SCRG1: variants seen among roughly 807,000 people sequenced by gnomAD.
The protein encoded by SCRG1 is scrapie-responsive protein 1.
A neutral mutation model predicts 7.7 loss-of-function variants in SCRG1; 3 were observed. That is an observed-to-expected ratio of 0.39 (90% CI 0.18 to 1.01). SCRG1 has a LOEUF of 1.01. Among genes scored for constraint, SCRG1 ranks in the 50% least tolerant of loss-of-function variants. The pLI is 0.36. For synonymous variants in SCRG1, 46 were observed against 41.2 expected, an observed-to-expected ratio of 1.12 and a Z score of -0.44; for missense variants, 110 against 117.2, an observed-to-expected ratio of 0.94 and a Z score of 0.28.
chr4:173,484,405 TATACATATAATATATA>T, the SCRG1 span, among the ~76,000 whole-genome samples: 2 of 75,974 alleles, frequency 2.6e-5, no homozygotes, highest in African/African-American at 5.5e-5. Flanking sequence ...TTATATATTA[TATACATATAATATATA>T]TTATATATTA....
chr4:173,514,860 A>G, the SCRG1 span, among the ~76,000 whole-genome samples: 1 of 152,230 alleles, frequency 6.6e-6, no homozygotes, highest in Non-Finnish European at 1.5e-5. Context: ...TTGCAAAATA[A>G]GAGACTTAAC....
the SCRG1 span, among the ~76,000 whole-genome samples, chr4:173,481,529 A>AT: frequency 6.6e-6 from 1 of 152,036 alleles, no homozygotes; most frequent in Non-Finnish European, 1.5e-5. Context: ...TTATATGTGG[A>AT]TTTTTTTCAG....
At chr4:173,441,914 G>A in the SCRG1 span, among the ~76,000 whole-genome samples, 1 of 152,126 alleles carries the variant, frequency 6.6e-6, no homozygotes, top group Non-Finnish European at 1.5e-5. Context: ...TCTAATAAGG[G>A]AAAGCAAAAC....
the SCRG1 span, among the ~76,000 whole-genome samples, chr4:173,495,122 A>T: frequency 6.6e-6 from 1 of 152,200 alleles, no homozygotes. Flanking sequence ...TCAAAGGAAA[A>T]ACTGGCAGGA....
At chr4:173,399,476 G>GTC (rs1205755553), upstream of SCRG1, 1 of 67,338 alleles carries the variant, frequency 1.5e-5, no homozygotes, top group Non-Finnish European at 3.6e-5. Flanking sequence ...GTGTGTGTGT[G>GTC]TGTGTGTGTG....
the SCRG1 span, among the ~76,000 whole-genome samples, chr4:173,483,172 CATATAATAT>C: frequency 8.4e-6 from 1 of 118,842 alleles, no homozygotes; most frequent in Non-Finnish European, 1.7e-5. Flanking sequence ...TAACATATAA[CATATAATAT>C]ATTATATATG....
chr4:173,500,362 C>A, the SCRG1 span, among the ~76,000 whole-genome samples: 4 of 152,238 alleles, frequency 2.6e-5, no homozygotes, highest in African/African-American at 9.6e-5. Flanking sequence ...GGTTCGCGCC[C>A]ACCCCTGTTC....
chr4:173,430,370 A>G, the SCRG1 span, among the ~76,000 whole-genome samples: 1 of 152,152 alleles, frequency 6.6e-6, no homozygotes, highest in African/African-American at 2.4e-5. Flanking sequence ...GTTGATAACA[A>G]TACTGGTGCC....
intron 2 of SCRG1, chr4:173,389,956 A>G (rs1177661465): frequency 3.9e-6 from 1 of 255,936 alleles, no homozygotes; most frequent in African/African-American, 2.2e-5. Flanking sequence ...GGGATTTGAA[A>G]GATTCCTCAA....
chr4:173,412,862 G>T, the SCRG1 span, among the ~76,000 whole-genome samples: 1 of 152,124 alleles, frequency 6.6e-6, no homozygotes, highest in African/African-American at 2.4e-5. Context: ...TGAAAACCTC[G>T]CAGGTGACTT....
chr4:173,478,402 C>T, the SCRG1 span, among the ~76,000 whole-genome samples: 1 of 152,074 alleles, frequency 6.6e-6, no homozygotes, highest in Non-Finnish European at 1.5e-5. Flanking sequence ...ACAAAAAAAA[C>T]CAGTCCTGGT....
chr4:173,423,578 A>C, the SCRG1 span, among the ~76,000 whole-genome samples: 2 of 151,978 alleles, frequency 1.3e-5, no homozygotes, highest in Non-Finnish European at 2.9e-5. Context: ...TATTAATAAT[A>C]AAAAAACCTT....
chr4:173,477,055 T>C, the SCRG1 span, among the ~76,000 whole-genome samples: 1 of 152,078 alleles, frequency 6.6e-6, no homozygotes, highest in South Asian at 2.1e-4. Context: ...TATTTGAAAA[T>C]TTGTTGTTGG....
At chr4:173,515,602 G>A in the SCRG1 span, among the ~76,000 whole-genome samples, 4 of 152,032 alleles carry the variant, frequency 2.6e-5, no homozygotes, top group East Asian at 7.8e-4. This position sits in a 1 kb window ranked among gnomAD's most constrained non-coding sequence, Gnocchi z 4.6. Flanking sequence ...GTGTGTGTGT[G>A]TTTGCATGTG....
At chr4:173,483,242 G>GATATATCATATATT in the SCRG1 span, among the ~76,000 whole-genome samples, 84 of 55,936 alleles carry the variant, frequency 1.5e-3, 11 homozygotes, top group South Asian at 0.03. Context: ...TATAATATAT[G>GATATATCATATATT]ATATATCATA....
At chr4:173,518,952 C>T in the SCRG1 span, among the ~76,000 whole-genome samples, 1 of 151,634 alleles carries the variant, frequency 6.6e-6, no homozygotes, top group Non-Finnish European at 1.5e-5. Flanking sequence ...GTTGCCCCCA[C>T]GTCCTGTCCG....
chr4:173,506,866 G>A, the SCRG1 span, among the ~76,000 whole-genome samples: 9 of 152,326 alleles, frequency 5.9e-5, no homozygotes, highest in African/African-American at 2.2e-4. This position sits in a 1 kb window ranked among gnomAD's most constrained non-coding sequence, Gnocchi z 5.3. Context: ...CGGTCTGGGA[G>A]CGAGTGGTTC....
the SCRG1 span, among the ~76,000 whole-genome samples, chr4:173,515,724 T>G: frequency 2.0e-3 from 297 of 152,228 alleles, 2 homozygotes; most frequent in African/African-American, 6.8e-3. This position sits in a 1 kb window ranked among gnomAD's most constrained non-coding sequence, Gnocchi z 4.6. Flanking sequence ...GGTGGCCCTC[T>G]GTGCCTAGGC....
the SCRG1 span, among the ~76,000 whole-genome samples, chr4:173,480,385 C>T: frequency 7.3e-5 from 11 of 151,192 alleles, no homozygotes; most frequent in African/African-American, 2.7e-4. Flanking sequence ...TTTTTAAGGC[C>T]TGGCCTTTTA....
Sources: gnomAD v4.1 joint callset for allele counts (sites outside exome capture counted in the v4.1 genomes callset) on GRCh38, gnomAD v4.1.1 for gene constraint, Gnocchi (gnomAD v3.1) non-coding constraint, MANE v1.5 for transcripts, NCBI Gene and HGNC (gene_info 2026-07-23, HGNC 2026-07-21) for gene names.